GATAD2B: variants seen among roughly 807,000 people sequenced by gnomAD.
The protein encoded by GATAD2B is GATA zinc finger domain containing 2B.
GATAD2B carries 8 observed loss-of-function variants against 64.3 expected under a neutral mutation model. The ratio of observed to expected loss-of-function variants is 0.12; its 90% CI spans 0.07 to 0.22. The LOEUF (loss-of-function observed/expected upper bound fraction) is 0.22. GATAD2B is among the 10% of genes least tolerant of loss of function. GATAD2B has a pLI of 1.00. For synonymous variants in GATAD2B, 281 were observed against 271.3 expected, an observed-to-expected ratio of 1.04 and a Z score of -0.35; for missense variants, 453 against 752.0, an observed-to-expected ratio of 0.60 and a Z score of 4.65.
intron 7 of GATAD2B, among the ~76,000 whole-genome samples, chr1:153,815,455 CTT>C (rs66480651): frequency 6.7e-5 from 10 of 150,076 alleles, no homozygotes; most frequent in East Asian, 1.9e-4. Context: ...CAAAAACAAT[CTT>C]TTTTTTTTTA....
At chr1:153,837,375 A>AC (rs1355721200) in intron 1 of GATAD2B, among the ~76,000 whole-genome samples, 2 of 70,750 alleles carry the variant, frequency 2.8e-5, no homozygotes, top group African/African-American at 7.2e-5. Context: ...AAACAAAACA[A>AC]ACAAAAAAAA....
rs555854328 is a variant in GATAD2B, at chr1:153,920,543, T to C, written c.-2+2190A>G. Among the ~76,000 whole-genome samples, 3 of 152,320 alleles carry C rather than the reference T, an allele frequency of 2.0e-5. No homozygotes were observed. In the South Asian group the frequency reaches 6.2e-4, roughly 32 times the overall value. The stretch of plus-strand genomic sequence containing the variant: ...GTTAACACTGTTCCTAGAAAAGTAT[T>C]TGAGTGCAGCCTATATTCAGACCCT... On this transcript the variant is annotated intron_variant, in intron 1 of 10. Transcript: ENST00000368655.
chr1:153,889,382 AGCCTGG>A (rs1243620563), intron 1 of GATAD2B, among the ~76,000 whole-genome samples: 2 of 139,474 alleles, frequency 1.4e-5, no homozygotes, highest in African/African-American at 5.3e-5. Context: ...ATTGCACTCC[AGCCTGG>A]GCAACAAGAG....
At chr1:153,878,402 G>A (rs1254667437) in intron 1 of GATAD2B, among the ~76,000 whole-genome samples, 3 of 151,862 alleles carry the variant, frequency 2.0e-5, no homozygotes, top group Non-Finnish European at 4.4e-5. Flanking sequence ...CTGGGATTAC[G>A]GCTGTGAGCC....
chr1:153,889,656 G>T, intron 1 of GATAD2B: 2 of 794,906 alleles, frequency 2.5e-6, no homozygotes, highest in Non-Finnish European at 3.0e-6. Context: ...ATGCGTGAAC[G>T]TCAAATTTAA....
intron 1 of GATAD2B, among the ~76,000 whole-genome samples, chr1:153,861,247 A>T (rs1487944134): frequency 6.6e-6 from 1 of 152,010 alleles, no homozygotes; most frequent in Non-Finnish European, 1.5e-5. Context: ...AACCTTCAAG[A>T]ACTTGTCAGA....
At chr1:153,817,802 C>T (rs1263282625) in intron 5 of GATAD2B, among the ~76,000 whole-genome samples, 2 of 152,090 alleles carry the variant, frequency 1.3e-5, no homozygotes, top group Non-Finnish European at 2.9e-5. Context: ...AAACTATCTA[C>T]CCCTTCTCTA....
At chr1:153,848,980 C>CA (rs1440520395) in intron 1 of GATAD2B, among the ~76,000 whole-genome samples, 17 of 151,330 alleles carry the variant, frequency 1.1e-4, no homozygotes, top group Non-Finnish European at 1.5e-4. Flanking sequence ...CAAACCCCCC[C>CA]CCTCCCCCAG....
At chr1:153,836,229 C>A (rs565175571) in intron 1 of GATAD2B, among the ~76,000 whole-genome samples, 31 of 150,482 alleles carry the variant, frequency 2.1e-4, no homozygotes, top group Admixed American at 9.3e-4. Flanking sequence ...GAGTTTGAGA[C>A]CATCCTGGGA....
chr1:153,903,900 C>T (rs1274920866), intron 1 of GATAD2B, among the ~76,000 whole-genome samples: 3 of 152,180 alleles, frequency 2.0e-5, no homozygotes, highest in Non-Finnish European at 4.4e-5. Context: ...GGTACAATCA[C>T]CTGAGTTCGG....
At chr1:153,833,161 T>C (rs1368509458) in intron 1 of GATAD2B, among the ~76,000 whole-genome samples, 1 of 152,144 alleles carries the variant, frequency 6.6e-6, no homozygotes, top group Non-Finnish European at 1.5e-5. Flanking sequence ...GCACTATGAT[T>C]GCACCTGTGA....
intron 2 of GATAD2B, among the ~76,000 whole-genome samples, chr1:153,822,293 T>C (rs1188800741): frequency 6.6e-6 from 1 of 152,156 alleles, no homozygotes; most frequent in African/African-American, 2.4e-5. Flanking sequence ...ACATTACAGA[T>C]TATTTCTAAG....
At chr1:153,908,780 T>TG (rs71093302) in intron 1 of GATAD2B, among the ~76,000 whole-genome samples, 53 of 115,944 alleles carry the variant, frequency 4.6e-4, no homozygotes, top group East Asian at 9.5e-4. Flanking sequence ...GAAACATACT[T>TG]GGAAAAAAAA....
intron 1 of GATAD2B, among the ~76,000 whole-genome samples, chr1:153,884,067 C>T (rs1432960757): frequency 3.9e-5 from 6 of 152,140 alleles, no homozygotes; most frequent in Admixed American, 6.5e-5. Context: ...GAGGCTGAGG[C>T]GGGCAGACCA....
rs1017943730 is a variant in GATAD2B at position 153,807,056 on chromosome 1, C to T, written c.*3121G>A. On this transcript the variant is annotated 3_prime_UTR_variant, in exon 11 of 11. Coordinates refer to ENST00000368655, the MANE Select transcript of GATAD2B (RefSeq NM_020699.4). ...CTGTGGTCAAATTATAAAATAAAAT[C>T]GACAAATAAGAACCTCTGTCCCCTA... 7.9e-5 allele frequency: 12 copies of T among 152,044 alleles called. No individual in the cohort carries two copies. The highest frequency in any genetic ancestry group is 2.9e-4 in the African/African-American group (12 of 41,380). 9.4% of individuals were successfully genotyped at this position (152,044 alleles called of 1,614,324 possible).
At chr1:153,881,479 A>C (rs1019075741) in intron 1 of GATAD2B, among the ~76,000 whole-genome samples, 1 of 152,210 alleles carries the variant, frequency 6.6e-6, no homozygotes, top group African/African-American at 2.4e-5. Flanking sequence ...TTGTATGAGA[A>C]ACAATAATTC....
intron 7 of GATAD2B, 56 bp from the exon 8 acceptor site, chr1:153,813,508 C>A (rs1674360804): frequency 2.5e-6 from 3 of 1,183,004 alleles, no homozygotes. Flanking sequence ...CTCTGTTTCT[C>A]TTAATCAAAT....
At chr1:153,853,421 C>T (rs1054657517) in intron 1 of GATAD2B, 1 of 640,300 alleles carries the variant, frequency 1.6e-6, no homozygotes, top group South Asian at 1.8e-5. Context: ...ATTTTTCTTC[C>T]TGGAGAAATA....
rs963500283 is a variant in GATAD2B, at chr1:153,816,788, A to G, written c.901-200T>C. Among the ~76,000 whole-genome samples the G allele has an allele frequency of 3.3e-5, 5 of 152,212 alleles. No individual in the cohort carries two copies. Among genetic ancestry groups the G allele is most frequent in the Non-Finnish European group, 7.3e-5 (5 of 68,032 alleles). ...ATGATGACCATGAGCTAACATTGCT[A>G]AGAGAGAAATAAAGGCCACGCGTGG... On this transcript the variant is annotated intron_variant, in intron 6 of 10. Transcript: ENST00000368655. The surrounding 1 kb of genome is among the most constrained non-coding windows in gnomAD (Gnocchi z 4.9).
Sources: gnomAD v4.1 joint callset for allele counts (sites outside exome capture counted in the v4.1 genomes callset) on GRCh38, gnomAD v4.1.1 for gene constraint, Gnocchi (gnomAD v3.1) non-coding constraint, MANE v1.5 for transcripts, NCBI Gene and HGNC (gene_info 2026-07-23, HGNC 2026-07-21) for gene names.